OXR1: variants seen among roughly 807,000 people sequenced by gnomAD.
OXR1 encodes oxidation resistance protein 1.
OXR1 carries 41 observed loss-of-function variants against 104.6 expected under a neutral mutation model. That is an observed-to-expected ratio of 0.39 (90% CI 0.31 to 0.51). OXR1 has a LOEUF of 0.51. Ranked by LOEUF, OXR1 falls within the 20% of genes least tolerant of loss-of-function variation. OXR1 has a pLI of 0.77. For synonymous variants in OXR1, 348 were observed against 348.4 expected (o/e 1.00, Z 0.01); for missense variants, 955 against 1,031.9 (o/e 0.93, Z 1.02).
chr8:106,750,659 A>G (rs1265542429), intron 16 of OXR1, 147 bp from the exon 17 acceptor site: 1 of 589,518 alleles, frequency 1.7e-6, no homozygotes, highest in African/African-American at 1.9e-5. Context: ...GAATAGGAGT[A>G]AAACAAAATT....
intron 6 of OXR1, among the ~76,000 whole-genome samples, chr8:106,690,518 A>G (rs896529957): frequency 6.6e-6 from 1 of 151,280 alleles, no homozygotes; most frequent in African/African-American, 2.4e-5. Context: ...AATATTTTAT[A>G]TAGAAGAAAT....
intron 1 of OXR1, among the ~76,000 whole-genome samples, chr8:106,331,656 G>A (rs2077365466): frequency 2.0e-5 from 3 of 151,986 alleles, no homozygotes; most frequent in Admixed American, 1.3e-4. Context: ...TAATTCTTTT[G>A]AGGCCAGGTG....
chr8:106,580,551 A>G (rs1818155622), intron 3 of OXR1, among the ~76,000 whole-genome samples: 1 of 152,248 alleles, frequency 6.6e-6, no homozygotes, highest in African/African-American at 2.4e-5. Flanking sequence ...GATATCTTAT[A>G]GAAACCTTGC....
chr8:106,335,066 C>T (rs1814900345), intron 1 of OXR1, among the ~76,000 whole-genome samples: 1 of 151,906 alleles, frequency 6.6e-6, no homozygotes, highest in Non-Finnish European at 1.5e-5. Flanking sequence ...ATCCTTACTC[C>T]TTTAACCATC....
intron 7 of OXR1, among the ~76,000 whole-genome samples, chr8:106,700,652 G>A (rs73294468): frequency 0.011 from 1,613 of 152,226 alleles, 32 homozygotes; most frequent in African/African-American, 0.036. Context: ...TACAGTACTA[G>A]GATTAAGGTA....
Position 106,702,944 on chromosome 8 carries a change from T to C in OXR1, c.714T>C (p.Asn238=). Residue 238 remains asparagine (N), a synonymous_variant, in exon 8 of 17, where the codon AAT becomes AAC. Transcript: ENST00000517566. ...GTGTGCTGCTAGTTACACCAAATAATATAATGTTTGATCCACATAAAAATG... is the reference window on the plus strand; with the variant it reads ...GTGTGCTGCTAGTTACACCAAATAACATAATGTTTGATCCACATAAAAATG... ...VSGVLLVTPN[N]IMFDPHKNDP... 6.2e-7 allele frequency: 1 copy of C among 1,613,788 alleles called. No individual in the cohort carries two copies. Among genetic ancestry groups the C allele is most frequent in the Non-Finnish European group, 8.5e-7 (1 of 1,179,770 alleles).
intron 3 of OXR1, among the ~76,000 whole-genome samples, chr8:106,530,462 A>G (rs756303412): frequency 6.6e-6 from 1 of 152,056 alleles, no homozygotes; most frequent in African/African-American, 2.4e-5. Flanking sequence ...GAGTCAAGAT[A>G]TTTCTTTACA....
At chr8:106,732,907 A>C (rs1009362936) in intron 11 of OXR1, among the ~76,000 whole-genome samples, 1 of 152,162 alleles carries the variant, frequency 6.6e-6, no homozygotes, top group Non-Finnish European at 1.5e-5. Flanking sequence ...GTTAAGAAGT[A>C]TTCCCTCCGC....
intron 2 of OXR1, among the ~76,000 whole-genome samples, chr8:106,427,789 C>G (rs954958546): frequency 2.0e-5 from 3 of 152,134 alleles, no homozygotes; most frequent in African/African-American, 7.2e-5. Flanking sequence ...TATGTGATAT[C>G]TCAATGTAGA....
intron 11 of OXR1, among the ~76,000 whole-genome samples, 163 bp downstream of exon 11, chr8:106,714,148 A>G (rs1832002524): frequency 6.6e-6 from 1 of 152,054 alleles, no homozygotes. Flanking sequence ...GAATCTGAAT[A>G]GTGACTTTAA....
chr8:106,692,006 T>C (rs62514960), intron 6 of OXR1, among the ~76,000 whole-genome samples: 3,390 of 148,164 alleles, frequency 0.023, 40 homozygotes, highest in East Asian at 0.038. Flanking sequence ...CACACACACA[T>C]ATATATATAC....
intron 3 of OXR1, among the ~76,000 whole-genome samples, chr8:106,588,296 A>G (rs1420640136): frequency 1.3e-5 from 2 of 151,586 alleles, no homozygotes; most frequent in Non-Finnish European, 2.9e-5. Context: ...AAGAAACTGC[A>G]GTGATGGGTT....
At chr8:106,607,698 C>T (rs1252437446) in intron 3 of OXR1, among the ~76,000 whole-genome samples, 1 of 152,206 alleles carries the variant, frequency 6.6e-6, no homozygotes, top group Non-Finnish European at 1.5e-5. Context: ...TATTTTTAAG[C>T]AGCCACCATA....
At chr8:106,569,569 A>G (rs1399153837) in intron 3 of OXR1, among the ~76,000 whole-genome samples, 2 of 152,196 alleles carry the variant, frequency 1.3e-5, no homozygotes, top group Admixed American at 6.5e-5. Context: ...TTCCAGATAT[A>G]CAAGATCCTA....
At chr8:106,528,358 C>A (rs1299217502) in intron 3 of OXR1, among the ~76,000 whole-genome samples, 1 of 152,148 alleles carries the variant, frequency 6.6e-6, no homozygotes, top group African/African-American at 2.4e-5. Context: ...ATTCTAAAAT[C>A]CAATGCAATG....
At chr8:106,279,045 T>C (rs539352732) in intron 1 of OXR1, among the ~76,000 whole-genome samples, 1 of 152,298 alleles carries the variant, frequency 6.6e-6, no homozygotes, top group East Asian at 1.9e-4. Flanking sequence ...TTTTCTGTTA[T>C]ATCTATTTAG....
chr8:106,492,633 C>G (rs1811167380), intron 2 of OXR1, among the ~76,000 whole-genome samples: 1 of 152,112 alleles, frequency 6.6e-6, no homozygotes, highest in South Asian at 2.1e-4. Flanking sequence ...AAACAGACAG[C>G]AATATAACAT....
chr8:106,726,808 G>A (rs187264758), intron 11 of OXR1, among the ~76,000 whole-genome samples: 6 of 152,164 alleles, frequency 3.9e-5, no homozygotes, highest in African/African-American at 9.6e-5. Flanking sequence ...ATCTTCAAAC[G>A]ATATCCTAGT....
intron 14 of OXR1, 52 bp from the exon 15 acceptor site, chr8:106,742,170 A>T: frequency 1.0e-6 from 1 of 970,606 alleles, no homozygotes; most frequent in Non-Finnish European, 1.7e-6. Flanking sequence ...AATAATGCTT[A>T]CTGGAATAAA....
Sources: allele counts gnomAD v4.1 joint callset (sites outside exome capture counted in the v4.1 genomes callset), GRCh38; gene constraint gnomAD v4.1.1; transcripts MANE v1.5; gene names NCBI Gene and HGNC (gene_info 2026-07-23, HGNC 2026-07-21).